The following CUBN variants were observed in gnomAD, a reference collection of about 807,000 sequenced individuals.
CUBN encodes the protein cubilin.
Under a neutral mutation model 405.3 loss-of-function variants are expected in CUBN, and 282 were observed. That is an observed-to-expected ratio of 0.70 (90% CI 0.63 to 0.77). The LOEUF (loss-of-function observed/expected upper bound fraction) is 0.77, where lower values mean the gene tolerates loss of function less well. Among genes scored for constraint, CUBN ranks in the 30% least tolerant of loss-of-function variants. The pLI, the probability that CUBN is intolerant of heterozygous loss-of-function variation, is 0.00. For synonymous variants in CUBN, 1,684 were observed against 1,617.0 expected (o/e 1.04, Z -0.99); for missense variants, 4,514 against 4,475.2 (o/e 1.01, Z -0.25).
intron 60 of CUBN, among the ~76,000 whole-genome samples, chr10:16,846,812 C>CAAAA (rs59819645): frequency 1.5e-5 from 2 of 135,010 alleles, no homozygotes; most frequent in Non-Finnish European, 3.1e-5. Flanking sequence ...AACTCTGTCT[C>CAAAA]AAAAAAAAAA....
At chr10:16,834,181 G>A (rs1839096613) in intron 64 of CUBN, among the ~76,000 whole-genome samples, 1 of 152,102 alleles carries the variant, frequency 6.6e-6, no homozygotes, top group South Asian at 2.1e-4. Flanking sequence ...CACACACTGG[G>A]TCCACATCAC....
intron 28 of CUBN, among the ~76,000 whole-genome samples, chr10:16,992,905 T>C (rs533866097): frequency 7.2e-5 from 11 of 152,306 alleles, no homozygotes; most frequent in African/African-American, 2.6e-4. Flanking sequence ...GAGAAAATAT[T>C]TGTCCGACTA....
chr10:16,869,550 G>T, intron 59 of CUBN, 86 bp downstream of exon 59: 3 of 971,250 alleles, frequency 3.1e-6, no homozygotes, highest in Non-Finnish European at 4.8e-6. Context: ...TCATAATCAG[G>T]TGGGGGTGGG....
rs371586425 is a variant in CUBN, at chr10:16,975,601, T to C, written c.4695+6883A>G. On this transcript the variant is annotated intron_variant, in intron 31 of 66. Transcript: ENST00000377833. The stretch of plus-strand genomic sequence containing the variant: ...TATAAGTAGCTTTGTCTCTGGCCCA[T>C]TCAAACTTCTCTTAAAGACCTTCTT... Among the ~76,000 whole-genome samples, 252 of 151,338 alleles carry C rather than the reference T, an allele frequency of 1.7e-3. 1 individual carries two copies. Among genetic ancestry groups the C allele is most frequent in the African/African-American group, 5.9e-3 (244 of 41,212 alleles).
intron 59 of CUBN, among the ~76,000 whole-genome samples, chr10:16,854,179 A>G (rs977852474): frequency 1.3e-5 from 2 of 152,220 alleles, no homozygotes; most frequent in South Asian, 4.1e-4. Context: ...TGGAATTGGC[A>G]TTGGCAATTC....
chr10:17,014,770 T>C (rs1042290867), intron 28 of CUBN, among the ~76,000 whole-genome samples: 2 of 152,186 alleles, frequency 1.3e-5, no homozygotes, highest in Non-Finnish European at 2.9e-5. Flanking sequence ...AGAAGTTACC[T>C]AGATCTTGGG....
chr10:16,858,335 T>C (rs1395018870), intron 59 of CUBN, among the ~76,000 whole-genome samples: 3 of 152,216 alleles, frequency 2.0e-5, no homozygotes, highest in Non-Finnish European at 4.4e-5. Context: ...ATTTACGTTT[T>C]TTTAGGATAG....
chr10:17,009,462 T>C (rs936519066), intron 28 of CUBN, among the ~76,000 whole-genome samples: 8 of 152,234 alleles, frequency 5.3e-5, no homozygotes, highest in African/African-American at 1.9e-4. Flanking sequence ...AGCCCATTGA[T>C]ACAGTAATCT....
intron 31 of CUBN, among the ~76,000 whole-genome samples, chr10:16,982,266 C>T (rs909596098): frequency 2.6e-5 from 4 of 152,160 alleles, no homozygotes; most frequent in Non-Finnish European, 5.9e-5. Flanking sequence ...AATGGTAGCG[C>T]AGAAACTGAC....
chr10:17,112,352 T>C lies in CUBN; in HGVS notation c.884-1302A>G, dbSNP rs1196405909. ...ATAAGATCAAAGGTATTTTTTTCTA[T>C]TTTTTCCATATTTTTGTAGTGATAT... On this transcript the variant is annotated intron_variant, in intron 8 of 66. Transcript: ENST00000377833. Among the ~76,000 whole-genome samples, 3 of 152,144 alleles carry C rather than the reference T, an allele frequency of 2.0e-5. No homozygotes were observed. In the East Asian group the frequency reaches 5.8e-4, roughly 29 times the overall value.
chr10:17,004,672 CTCT>C (rs959081553), intron 28 of CUBN, among the ~76,000 whole-genome samples: 33 of 93,440 alleles, frequency 3.5e-4, no homozygotes, highest in African/African-American at 1.3e-3. Flanking sequence ...TTCTAAATAG[CTCT>C]TTTTTTTTTT....
intron 56 of CUBN, among the ~76,000 whole-genome samples, chr10:16,879,306 C>G (rs1390879778): frequency 6.6e-6 from 1 of 152,152 alleles, no homozygotes; most frequent in Non-Finnish European, 1.5e-5. Context: ...TTTAATTGCT[C>G]TGATGATTAA....
intron 14 of CUBN, among the ~76,000 whole-genome samples, chr10:17,090,826 T>TAAA (rs59564374): frequency 3.2e-5 from 3 of 94,014 alleles, no homozygotes; most frequent in African/African-American, 6.4e-5. Context: ...AAATGTAAAG[T>TAAA]AAAAAAAAAA....
chr10:17,038,821 T>C (rs1834953494), intron 27 of CUBN, among the ~76,000 whole-genome samples: 1 of 152,110 alleles, frequency 6.6e-6, no homozygotes, highest in Admixed American at 6.5e-5. Flanking sequence ...AACAGCGCCG[T>C]TTTTTTGGAA....
chr10:16,878,691 C>T (rs7913111), intron 56 of CUBN, among the ~76,000 whole-genome samples: 3,933 of 152,254 alleles, frequency 0.026, 173 homozygotes, highest in African/African-American at 0.088. Context: ...ATGTTATGCC[C>T]ATTAACAATC....
In CUBN at chr10:16,897,208, C is replaced by T. The variant is rs117795497; in HGVS notation, c.8598+1788G>A. ...GTGATGTTCTTGATTCCTGATACAA[C>T]GTGTTCTTTCTGATTGTACCCAGGA... On this transcript the variant is annotated intron_variant, in intron 54 of 66. Transcript: ENST00000377833. Among the ~76,000 whole-genome samples the T allele has an allele frequency of 5.4e-3, 821 of 152,276 alleles. 4 individuals are homozygous for T. The highest frequency in any genetic ancestry group is 8.8e-3 in the Admixed American group (134 of 15,296).
chr10:17,009,417 G>T (rs945376535), intron 28 of CUBN, among the ~76,000 whole-genome samples: 1 of 152,170 alleles, frequency 6.6e-6, no homozygotes, highest in African/African-American at 2.4e-5. Flanking sequence ...AAAACTCAGA[G>T]ATTTCACCAG....
At chr10:17,084,713 A>G (rs1185750417) in intron 16 of CUBN, among the ~76,000 whole-genome samples, 2 of 152,228 alleles carry the variant, frequency 1.3e-5, no homozygotes, top group Non-Finnish European at 2.9e-5. Flanking sequence ...ATTCTCTTCT[A>G]TAAGTTGCTT....
chr10:16,891,281 A>G (rs1440820451), intron 54 of CUBN, among the ~76,000 whole-genome samples: 1 of 152,220 alleles, frequency 6.6e-6, no homozygotes, highest in African/African-American at 2.4e-5. Context: ...GACATGAATC[A>G]CAGAATCATA....
Sources: gnomAD v4.1 joint callset for allele counts (sites outside exome capture counted in the v4.1 genomes callset) on GRCh38, gnomAD v4.1.1 for gene constraint, MANE v1.5 for transcripts, NCBI Gene and HGNC (gene_info 2026-07-23, HGNC 2026-07-21) for gene names.